The following PCDHA8 variants were observed in gnomAD, a reference collection of about 807,000 sequenced individuals.
The protein encoded by PCDHA8 is protocadherin alpha 8, also known as protocadherin alpha-8.
A neutral mutation model predicts 61.8 loss-of-function variants in PCDHA8; 53 were observed. That is an observed-to-expected ratio of 0.86 (90% CI 0.69 to 1.08). The LOEUF is 1.08. Ranked by LOEUF, PCDHA8 falls within the 50% of genes least tolerant of loss-of-function variation. The pLI is 0.00. For missense variants in PCDHA8, 1,293 were observed against 1,245.0 expected, an observed-to-expected ratio of 1.04 and a Z score of -0.58; for synonymous variants, 618 against 556.6, an observed-to-expected ratio of 1.11 and a Z score of -1.55.
Position 140,967,485 on chromosome 5 carries a change from C to T in PCDHA8, c.2395-11464C>T, listed in dbSNP as rs781948599. 7 of 1,613,056 alleles carry T rather than the reference C, an allele frequency of 4.3e-6. No individual in the cohort carries two copies. The South Asian group carries it at 5.5e-5, about 13-fold the overall frequency. On this transcript the variant is annotated intron_variant, in intron 1 of 3. Coordinates refer to ENST00000531613, the MANE Select transcript of PCDHA8 (RefSeq NM_018911.3). ...GGGGGCATCCCAGCCCGCTCGGGTA[C>T]GGCACAGATCTCTGTGCGTGTCCTG...
At chr5:140,985,180 G>A (rs782679962) in intron 3 of PCDHA8, among the ~76,000 whole-genome samples, 1 of 152,028 alleles carries the variant, frequency 6.6e-6, no homozygotes, top group Non-Finnish European at 1.5e-5. Flanking sequence ...CTCGTAATCC[G>A]CCTGCCTCGG....
At position 140,993,185 on chromosome 5, in the gene PCDHA8, G is replaced by A. The variant is rs1393686590; in HGVS notation, c.2542+10622G>A. Among the ~76,000 whole-genome samples, 5 of 152,162 alleles carry A rather than the reference G, an allele frequency of 3.3e-5. No homozygotes were observed. The South Asian group carries it at 8.3e-4, about 25-fold the overall frequency. The stretch of plus-strand genomic sequence containing the variant: ...TTGCCTTTGGGAAATTTCTTTAGAG[G>A]GAAACTCACTAAAGCTAATTTTTTT... On this transcript the variant is annotated intron_variant, in intron 3 of 3. Transcript: ENST00000531613.
chr5:140,943,257 C>CAAAAAAAA (rs1238620023), intron 1 of PCDHA8, among the ~76,000 whole-genome samples: 2 of 77,482 alleles, frequency 2.6e-5, no homozygotes, highest in Admixed American at 1.5e-4. Flanking sequence ...GACTCTGTCT[C>CAAAAAAAA]AAAAAAAAAA....
At position 141,009,879 on chromosome 5, in the gene PCDHA8, A is replaced by G; in HGVS notation, c.2795A>G (p.Asn932Ser). Reference protein sequence around the residue: ...TKKKKKKKKGNKTQEKKEKGN... With the variant: ...TKKKKKKKKGSKTQEKKEKGN... ...AAAAAGAAGAAAAAGAAGAAGGGTA[A>G]CAAGACCCAGGAGAAAAAAGAGAAA... Residue 932 changes from asparagine (N) to serine (S), a missense_variant, in exon 4 of 4, where the codon AAC (asparagine) becomes AGC (serine). Asn to Ser is a conservative substitution (Grantham distance 46). Coordinates refer to ENST00000531613, the MANE Select transcript of PCDHA8 (RefSeq NM_018911.3). 12 of 1,613,884 alleles carry G rather than the reference A, an allele frequency of 7.4e-6. No individual in the cohort carries two copies. Among genetic ancestry groups the G allele is most frequent in the Non-Finnish European group, 1.0e-5 (12 of 1,179,984 alleles).
intron 1 of PCDHA8, among the ~76,000 whole-genome samples, chr5:140,949,776 A>G (rs1554219139): frequency 6.6e-6 from 1 of 151,716 alleles, no homozygotes; most frequent in Non-Finnish European, 1.5e-5. Flanking sequence ...AATATTTGAT[A>G]TGTTTAGATT....
chr5:140,965,323 G>A (rs2095891055), intron 1 of PCDHA8, among the ~76,000 whole-genome samples: 1 of 152,176 alleles, frequency 6.6e-6, no homozygotes, highest in South Asian at 2.1e-4. Flanking sequence ...TTTTACTGAA[G>A]TGAATTTGTT....
At chr5:140,966,971 C>G (rs375161984) in intron 1 of PCDHA8, 1 of 1,602,808 alleles carries the variant, frequency 6.2e-7, no homozygotes, top group Non-Finnish European at 8.5e-7. Flanking sequence ...GGGGCTTGAG[C>G]TGCGGCGCTT....
At chr5:140,998,122 A>G (rs2097797315) in intron 3 of PCDHA8, among the ~76,000 whole-genome samples, 1 of 152,214 alleles carries the variant, frequency 6.6e-6, no homozygotes, top group Admixed American at 6.5e-5. Flanking sequence ...TTACTTGTGA[A>G]TCATAATAGC....
At chr5:140,985,739 CTTT>C (rs11372071) in intron 3 of PCDHA8, among the ~76,000 whole-genome samples, 5 of 117,900 alleles carry the variant, frequency 4.2e-5, no homozygotes, top group Non-Finnish European at 1.7e-5. Context: ...TGATGAATTC[CTTT>C]TTTTTTTTTT....
chr5:140,997,668 T>TTGTGTGTG lies in PCDHA8; in HGVS notation c.2543-11937_2543-11930dup, dbSNP rs35184029. 2.7e-3 allele frequency among the ~76,000 whole-genome samples: 400 copies of TTGTGTGTG among 148,342 alleles called. 5 individuals carry two copies. The East Asian group carries it at 0.038, about 14-fold the overall frequency. The stretch of plus-strand genomic sequence containing the variant: ...AATGCAATATGTATTATTATACAGC[T>TTGTGTGTG]TGTGTGTGTGTGTGTGTGTGTGTGT... On this transcript the variant is annotated intron_variant, in intron 3 of 3. Transcript: ENST00000531613.
chr5:140,962,080 T>A (rs1226617177), intron 1 of PCDHA8, among the ~76,000 whole-genome samples: 1 of 151,756 alleles, frequency 6.6e-6, no homozygotes, highest in Non-Finnish European at 1.5e-5. Context: ...AGAGACGGGG[T>A]TTCACCATGT....
At chr5:140,938,796 C>T (rs563991147) in intron 1 of PCDHA8, among the ~76,000 whole-genome samples, 4 of 152,138 alleles carry the variant, frequency 2.6e-5, no homozygotes, top group East Asian at 3.9e-4. Context: ...ATGAAATAAT[C>T]GGTACCACAA....
chr5:140,924,057 T>C (rs1337031156), intron 1 of PCDHA8, among the ~76,000 whole-genome samples: 2 of 152,258 alleles, frequency 1.3e-5, no homozygotes, highest in Non-Finnish European at 2.9e-5. Context: ...GGTACATCTT[T>C]ACAGTTGTAT....
Position 140,857,574 on chromosome 5 carries a change from T to G in PCDHA8, c.2394+13859T>G, listed in dbSNP as rs1452756689. On this transcript the variant is annotated intron_variant, in intron 1 of 3. Coordinates refer to ENST00000531613, the MANE Select transcript of PCDHA8 (RefSeq NM_018911.3). ...CGCTCGCTGTCGAGCTACGTGTCGGTGCACGCGGAGAGCGGCAAGGTGTAC... is the reference window on the plus strand; with the variant it reads ...CGCTCGCTGTCGAGCTACGTGTCGGGGCACGCGGAGAGCGGCAAGGTGTAC... 26 of 1,596,616 alleles carry G rather than the reference T, an allele frequency of 1.6e-5. 3 individuals carry two copies. Among genetic ancestry groups the G allele is most frequent in the Non-Finnish European group, 2.1e-5 (25 of 1,167,676 alleles).
chr5:140,886,268 A>C (rs1250080024), intron 1 of PCDHA8, among the ~76,000 whole-genome samples: 2 of 151,920 alleles, frequency 1.3e-5, no homozygotes, highest in Non-Finnish European at 2.9e-5. Flanking sequence ...TTATAGATAA[A>C]ATTTTTTAAA....
intron 1 of PCDHA8, among the ~76,000 whole-genome samples, chr5:140,954,333 G>C (rs1554221356): frequency 1.3e-5 from 2 of 152,140 alleles, no homozygotes; most frequent in African/African-American, 4.8e-5. Flanking sequence ...TGGTATTTCT[G>C]CCTCTAGATC....
chr5:140,886,705 A>T (rs1293719338), intron 1 of PCDHA8, among the ~76,000 whole-genome samples: 3 of 152,058 alleles, frequency 2.0e-5, no homozygotes, highest in Non-Finnish European at 2.9e-5. Flanking sequence ...ACGCGCCTGT[A>T]ATCCCAGCTA....
In PCDHA8 at chr5:141,010,299, T is replaced by G; in HGVS notation, c.*362T>G. ...TCTTGATGACACTTGCAGGGCAGGCTGAAAAGTTTTGAGATTGAGCAGCTT... is the reference window on the plus strand; with the variant it reads ...TCTTGATGACACTTGCAGGGCAGGCGGAAAAGTTTTGAGATTGAGCAGCTT... On this transcript the variant is annotated 3_prime_UTR_variant, in exon 4 of 4. Transcript: ENST00000531613. 6.5e-7 allele frequency: 1 copy of G among 1,549,016 alleles called. No homozygotes were observed. The highest frequency in any genetic ancestry group is 2.4e-5 in the East Asian group (1 of 40,892).
intron 1 of PCDHA8, among the ~76,000 whole-genome samples, chr5:140,880,149 A>G (rs1347832078): frequency 1.3e-5 from 2 of 152,266 alleles, no homozygotes; most frequent in Non-Finnish European, 2.9e-5. Flanking sequence ...AGTGCAATAT[A>G]TCAAGTATAT....
Sources: gnomAD v4.1 joint callset for allele counts (sites outside exome capture counted in the v4.1 genomes callset) on GRCh38, gnomAD v4.1.1 for gene constraint, MANE v1.5 for transcripts, NCBI Gene and HGNC (gene_info 2026-07-23, HGNC 2026-07-21) for gene names.